Variants in BTBD9 observed in about 807,000 individuals in gnomAD.
BTBD9 encodes the protein BTB domain containing 9.
A neutral mutation model predicts 64.3 loss-of-function variants in BTBD9; 49 were observed. That is an observed-to-expected ratio of 0.76 (90% CI 0.61 to 0.97). BTBD9 has a LOEUF of 0.97. Ranked by LOEUF, BTBD9 falls within the 50% of genes least tolerant of loss-of-function variation. The pLI, the probability that BTBD9 is intolerant of heterozygous loss-of-function variation, is 0.00. For synonymous variants in BTBD9, 260 were observed against 274.7 expected (o/e 0.95, Z 0.53); for missense variants, 598 against 762.1 (o/e 0.78, Z 2.53).
chr6:38,630,395 G>A (rs566505411), intron 1 of BTBD9, among the ~76,000 whole-genome samples: 67 of 152,126 alleles, frequency 4.4e-4, no homozygotes, highest in Non-Finnish European at 7.5e-4. Flanking sequence ...TAGCTACAAC[G>A]ATAGTATTTA....
At chr6:38,329,313 C>A (rs1763581591) in intron 7 of BTBD9, among the ~76,000 whole-genome samples, 1 of 147,316 alleles carries the variant, frequency 6.8e-6, no homozygotes, top group Admixed American at 6.7e-5. Context: ...ATTTTAAAGA[C>A]CTTTTTTTCC....
intron 6 of BTBD9, among the ~76,000 whole-genome samples, chr6:38,406,327 G>A (rs761467475): frequency 3.3e-5 from 5 of 152,194 alleles, no homozygotes; most frequent in East Asian, 3.9e-4. Context: ...TCTAAAGCCC[G>A]AGAATTGATT....
intron 6 of BTBD9, among the ~76,000 whole-genome samples, chr6:38,540,046 T>G (rs1346036024): frequency 6.6e-6 from 1 of 152,176 alleles, no homozygotes; most frequent in Non-Finnish European, 1.5e-5. Context: ...GTACCTAAAA[T>G]GAATGGGACA....
intron 2 of BTBD9, chr6:38,595,869 T>C: frequency 1.0e-6 from 1 of 985,412 alleles, no homozygotes; most frequent in African/African-American, 1.7e-5. Flanking sequence ...ATTAAAGAAC[T>C]TCTCCTTCTC....
intron 6 of BTBD9, among the ~76,000 whole-genome samples, chr6:38,477,367 C>A (rs1770932449): frequency 1.3e-5 from 2 of 152,220 alleles, no homozygotes; most frequent in Non-Finnish European, 2.9e-5. Context: ...CATCGAAATA[C>A]AATTGAATAG....
rs559553150 is a variant in BTBD9, at chr6:38,441,001, A to G, written c.1155-95908T>C. 2.0e-5 allele frequency among the ~76,000 whole-genome samples: 3 copies of G among 152,296 alleles called. No homozygotes were observed. The South Asian group carries it at 6.2e-4, about 32-fold the overall frequency. ...CCATTTTATCATATGCTTCCCAGAAACACCCTGTGGAGAAGTGGAGAAGCT... is the reference window on the plus strand; with the variant it reads ...CCATTTTATCATATGCTTCCCAGAAGCACCCTGTGGAGAAGTGGAGAAGCT... On this transcript the variant is annotated intron_variant, in intron 6 of 10. Transcript: ENST00000481247.
intron 6 of BTBD9, among the ~76,000 whole-genome samples, chr6:38,570,467 T>C (rs1205140976): frequency 6.6e-6 from 1 of 152,206 alleles, no homozygotes; most frequent in Admixed American, 6.5e-5. Context: ...CACAAGGTAA[T>C]GAGATGTGCC....
At chr6:38,222,009 T>TA (rs1763213727) in intron 9 of BTBD9, among the ~76,000 whole-genome samples, 2 of 151,836 alleles carry the variant, frequency 1.3e-5, no homozygotes, top group South Asian at 4.2e-4. Flanking sequence ...AAATAAAAAA[T>TA]AAAAAATAAA....
Position 38,580,288 on chromosome 6 carries a change from T to C in BTBD9, c.964A>G (p.Ile322Val). 6.2e-7 allele frequency: 1 copy of C among 1,614,258 alleles called. No individual in the cohort carries two copies. The highest frequency in any genetic ancestry group is 8.5e-7 in the Non-Finnish European group (1 of 1,180,058). The change falls in exon 5 of 11, where the codon ATC becomes GTC. Residue 322 changes from isoleucine (I) to valine (V), a missense_variant. Transcript: ENST00000481247. ...GATGGCTGACCTAGCTTAATCTCGA[T>C]GCCGGAACGGCAGTCATCATCAATT... is the stretch of plus-strand genomic sequence containing the variant. ...HPIDDDCRSGIEIKLGQPSII... is the reference protein window; with the variant it reads ...HPIDDDCRSGVEIKLGQPSII...
chr6:38,358,431 G>C (rs1343061464), intron 6 of BTBD9, among the ~76,000 whole-genome samples: 1 of 152,174 alleles, frequency 6.6e-6, no homozygotes, highest in African/African-American at 2.4e-5. Context: ...AGAGCTACGG[G>C]AATAGAGTGC....
intron 7 of BTBD9, among the ~76,000 whole-genome samples, chr6:38,332,058 C>G (rs1215187241): frequency 6.6e-6 from 1 of 152,112 alleles, no homozygotes; most frequent in Admixed American, 6.5e-5. Context: ...AGTTTATGGA[C>G]TATTACGTTT....
chr6:38,235,845 A>G (rs1763760081), intron 9 of BTBD9, among the ~76,000 whole-genome samples: 1 of 152,198 alleles, frequency 6.6e-6, no homozygotes, highest in African/African-American at 2.4e-5. Context: ...GAAGCATATG[A>G]ATCCCTTCTC....
chr6:38,217,318 C>CAAAA (rs3047754), intron 9 of BTBD9, among the ~76,000 whole-genome samples: 24 of 69,256 alleles, frequency 3.5e-4, no homozygotes, highest in Admixed American at 9.5e-4. Context: ...GACTCCATCT[C>CAAAA]AAAAAAAAAA....
Position 38,178,378 on chromosome 6 carries a change from T to C in BTBD9, c.1642-3196A>G, listed in dbSNP as rs76362527. 2.2e-3 allele frequency among the ~76,000 whole-genome samples: 342 copies of C among 152,134 alleles called. 1 individual carries two copies. Among genetic ancestry groups the C allele is most frequent in the South Asian group, 7.7e-3 (37 of 4,824 alleles). ...ATATGCAGCAGACACGGCCAGAGGA[T>C]GACGCTGCACACGTGAGCAGGGTCA... On this transcript the variant is annotated intron_variant, in intron 10 of 10. Transcript: ENST00000481247.
At chr6:38,237,841 T>TA (rs70981532) in intron 9 of BTBD9, among the ~76,000 whole-genome samples, 79,079 of 149,762 alleles carry the variant, frequency 0.53, 21,459 homozygotes, top group East Asian at 0.83. Flanking sequence ...TCCAATGTTT[T>TA]AAAAAAAAAA....
intron 6 of BTBD9, among the ~76,000 whole-genome samples, chr6:38,576,568 A>C (rs73412393): frequency 0.016 from 2,466 of 152,282 alleles, 67 homozygotes; most frequent in African/African-American, 0.055. Context: ...CAAGTATAAG[A>C]GTAACTTCTG....
chr6:38,322,502 A>C (rs951287326), intron 7 of BTBD9, among the ~76,000 whole-genome samples: 2 of 152,222 alleles, frequency 1.3e-5, no homozygotes, highest in African/African-American at 4.8e-5. Context: ...TTGGGGAACC[A>C]TTTTACAGGA....
intron 6 of BTBD9, among the ~76,000 whole-genome samples, chr6:38,523,115 G>A (rs1773340887): frequency 6.6e-6 from 1 of 152,140 alleles, no homozygotes; most frequent in African/African-American, 2.4e-5. Flanking sequence ...CCCAGAAGAT[G>A]GAGGTTGCTG....
At chr6:38,373,107 T>C (rs1172501836) in intron 6 of BTBD9, among the ~76,000 whole-genome samples, 1 of 152,114 alleles carries the variant, frequency 6.6e-6, no homozygotes, top group African/African-American at 2.4e-5. Context: ...CCATGGTCCT[T>C]GGTAGATACA....
Sources: allele counts gnomAD v4.1 joint callset (sites outside exome capture counted in the v4.1 genomes callset), GRCh38; gene constraint gnomAD v4.1.1; transcripts MANE v1.5; gene names NCBI Gene and HGNC (gene_info 2026-07-23, HGNC 2026-07-21).